Variants in WDR72 observed in about 807,000 individuals in gnomAD.
WDR72 encodes WD repeat domain 72.
A neutral mutation model predicts 124.2 loss-of-function variants in WDR72; 120 were observed. The ratio of observed to expected loss-of-function variants is 0.97; its 90% CI spans 0.83 to 1.12. The LOEUF is 1.12. Ranked by LOEUF, WDR72 falls within the 50% of genes most tolerant of loss-of-function variation. The pLI, the probability that WDR72 is intolerant of heterozygous loss-of-function variation, is 0.00. For synonymous variants in WDR72, 452 were observed against 441.7 expected (o/e 1.02, Z -0.29); for missense variants, 1,387 against 1,278.8 (o/e 1.08, Z -1.29).
At chr15:53,699,646 A>G (rs1262197970) in intron 13 of WDR72, 104 bp downstream of exon 13, 3 of 1,269,472 alleles carry the variant, frequency 2.4e-6, no homozygotes, top group Non-Finnish European at 3.4e-6. Context: ...CAAAGGTTAA[A>G]GCAAGTGAGG....
chr15:53,682,100 CA>C (rs1203013940), intron 13 of WDR72, among the ~76,000 whole-genome samples: 6 of 148,208 alleles, frequency 4.0e-5, no homozygotes, highest in African/African-American at 1.5e-4. Flanking sequence ...CTGAATTTTA[CA>C]ATGCACACCA....
chr15:53,750,541 G>A (rs1487856227), intron 1 of WDR72, among the ~76,000 whole-genome samples: 1 of 152,114 alleles, frequency 6.6e-6, no homozygotes, highest in Non-Finnish European at 1.5e-5. Context: ...CAGTAATTTT[G>A]ACTTTCAACT....
chr15:53,594,992 T>C (rs960270032), intron 18 of WDR72, among the ~76,000 whole-genome samples: 2 of 152,136 alleles, frequency 1.3e-5, no homozygotes, highest in Admixed American at 6.6e-5. Flanking sequence ...GTGTCTCCCA[T>C]TTAATTGCAA....
intron 18 of WDR72, among the ~76,000 whole-genome samples, chr15:53,557,792 A>C (rs925629804): frequency 2.6e-5 from 4 of 152,072 alleles, no homozygotes; most frequent in Admixed American, 1.3e-4. Flanking sequence ...ATAATATTAC[A>C]GTTCAAAAAA....
intron 13 of WDR72, among the ~76,000 whole-genome samples, chr15:53,689,614 G>C (rs1308757183): frequency 2.0e-5 from 3 of 146,484 alleles, no homozygotes; most frequent in Non-Finnish European, 4.5e-5. Flanking sequence ...TTACACTGTT[G>C]GTAGGACTGT....
chr15:53,573,169 TCTAAG>T (rs1475191212), intron 18 of WDR72, among the ~76,000 whole-genome samples: 8 of 152,212 alleles, frequency 5.3e-5, no homozygotes, highest in South Asian at 2.1e-4. Context: ...ACTTTGTTCC[TCTAAG>T]CTAAGTATCT....
rs534386442 is a variant in WDR72 at position 53,547,886 on chromosome 15, A to C, written c.3149-24564T>G. Reference sequence around the variant, plus strand: ...TAATTCATTGTTTCTGCAGGAATGCACAAAAGAAAACTAGGGTGCTCTCAT... The same window carrying C: ...TAATTCATTGTTTCTGCAGGAATGCCCAAAAGAAAACTAGGGTGCTCTCAT... On this transcript the variant is annotated intron_variant, in intron 18 of 19. Coordinates refer to ENST00000360509, the MANE Select transcript of WDR72 (RefSeq NM_182758.4). Among the ~76,000 whole-genome samples, 10 of 152,344 alleles carry C rather than the reference A, an allele frequency of 6.6e-5. No homozygotes were observed. The South Asian group carries it at 2.1e-3, about 32-fold the overall frequency.
At chr15:53,577,802 G>A (rs886660630) in intron 18 of WDR72, among the ~76,000 whole-genome samples, 12 of 152,022 alleles carry the variant, frequency 7.9e-5, no homozygotes, top group Non-Finnish European at 1.3e-4. Flanking sequence ...GTTAACATTG[G>A]CTTTAGGTTT....
At chr15:53,691,952 T>G (rs903701762) in intron 13 of WDR72, among the ~76,000 whole-genome samples, 9 of 152,212 alleles carry the variant, frequency 5.9e-5, no homozygotes, top group African/African-American at 2.2e-4. Flanking sequence ...CAATAAATAT[T>G]TGTTGAGTTC....
At chr15:53,547,071 C>A (rs2036478790) in intron 18 of WDR72, among the ~76,000 whole-genome samples, 1 of 152,222 alleles carries the variant, frequency 6.6e-6, no homozygotes, top group South Asian at 2.1e-4. Context: ...TAAGCCTTGG[C>A]TCCAAAGCCA....
intron 18 of WDR72, among the ~76,000 whole-genome samples, chr15:53,561,529 A>G (rs944197840): frequency 1.3e-5 from 2 of 151,774 alleles, no homozygotes; most frequent in Non-Finnish European, 1.5e-5. Context: ...AAAATGATTA[A>G]TTTCTCCCTA....
At chr15:53,581,119 C>G (rs918748712) in intron 18 of WDR72, among the ~76,000 whole-genome samples, 2 of 151,964 alleles carry the variant, frequency 1.3e-5, no homozygotes, top group Non-Finnish European at 2.9e-5. Flanking sequence ...AATCTCTGTG[C>G]TTATATTTAT....
Position 53,523,258 on chromosome 15 carries a change from G to T in WDR72, c.3213C>A (p.Asp1071Glu). The change falls in exon 19 of 20, where the codon GAC becomes GAA. Residue 1071 changes from aspartate (D) to glutamate (E), a missense_variant. Asp to Glu is a conservative substitution (Grantham distance 45). Transcript: ENST00000360509. ...CTTCCAAGGCACATCTGTCAGGCAT[G>T]TCCTCCACGTCTTGGAAGTTTGCCG... ...SNSANFQDVEDMPDRCALEES... is the reference protein window; with the variant it reads ...SNSANFQDVEEMPDRCALEES... The T allele has an allele frequency of 6.2e-7, 1 of 1,613,142 alleles. No homozygotes were observed. Among genetic ancestry groups the T allele is most frequent in the South Asian group, 1.1e-5 (1 of 91,076 alleles).
At chr15:53,702,893 T>C (rs1268071022) in intron 11 of WDR72, among the ~76,000 whole-genome samples, 1 of 132,434 alleles carries the variant, frequency 7.6e-6, no homozygotes, top group Non-Finnish European at 1.5e-5. Flanking sequence ...ATATTACTTA[T>C]TTTCATTCAT....
At chr15:53,715,980 C>T (rs146583682) in intron 4 of WDR72, among the ~76,000 whole-genome samples, 5 of 152,310 alleles carry the variant, frequency 3.3e-5, no homozygotes, top group African/African-American at 1.2e-4. Flanking sequence ...ATTCTACTTT[C>T]AACCAGCTCT....
At chr15:53,611,711 A>G (rs1247747733) in intron 16 of WDR72, among the ~76,000 whole-genome samples, 1 of 151,464 alleles carries the variant, frequency 6.6e-6, no homozygotes, top group Admixed American at 6.6e-5. Flanking sequence ...CTGTTTGCCT[A>G]TGAGTCATCT....
At chr15:53,633,968 C>T (rs759972151) in intron 14 of WDR72, among the ~76,000 whole-genome samples, 14 of 152,004 alleles carry the variant, frequency 9.2e-5, no homozygotes, top group Non-Finnish European at 1.9e-4. Flanking sequence ...ACATAAAAAT[C>T]CTCAATAAAT....
chr15:53,554,490 A>G (rs145901247), intron 18 of WDR72, among the ~76,000 whole-genome samples: 2 of 152,306 alleles, frequency 1.3e-5, no homozygotes, highest in African/African-American at 4.8e-5. Context: ...AAATGCATAT[A>G]GAAGACTTTT....
At position 53,684,815 on chromosome 15, in the gene WDR72, G is replaced by A. The variant is rs527277467; in HGVS notation, c.1765+14935C>T. ...TCTGCAGACTTAAATGTCCCTGTCT[G>A]ACAGCTTTGAAGAGAGCAGTGATTC... On this transcript the variant is annotated intron_variant, in intron 13 of 19. Transcript: ENST00000360509. 1.6e-4 allele frequency among the ~76,000 whole-genome samples: 25 copies of A among 151,666 alleles called. No individual in the cohort carries two copies. The South Asian group carries it at 3.1e-3, about 19-fold the overall frequency.
Sources: gnomAD v4.1 joint callset for allele counts (sites outside exome capture counted in the v4.1 genomes callset) on GRCh38, gnomAD v4.1.1 for gene constraint, MANE v1.5 for transcripts, NCBI Gene and HGNC (gene_info 2026-07-23, HGNC 2026-07-21) for gene names.